Variants in MDGA2 observed in about 807,000 individuals in gnomAD.
MDGA2 encodes the protein MAM domain-containing glycosylphosphatidylinositol anchor protein 2.
MDGA2 carries 40 observed loss-of-function variants against 117.8 expected under a neutral mutation model. The ratio of observed to expected loss-of-function variants is 0.34; its 90% CI spans 0.26 to 0.44. MDGA2 has a LOEUF of 0.44. MDGA2 is among the 20% of genes least tolerant of loss of function. The pLI is 1.00. For missense variants in MDGA2, 1,123 were observed against 1,250.6 expected (o/e 0.90, Z 1.54); for synonymous variants, 452 against 439.0 (o/e 1.03, Z -0.37).
chr14:47,571,403 G>T (rs1299700140), intron 1 of MDGA2, among the ~76,000 whole-genome samples: 1 of 151,966 alleles, frequency 6.6e-6, no homozygotes, highest in Non-Finnish European at 1.5e-5. Flanking sequence ...CCCATTACTG[G>T]GTATATACCC....
chr14:46,876,455 A>G (rs1308780774), intron 12 of MDGA2, among the ~76,000 whole-genome samples: 1 of 151,626 alleles, frequency 6.6e-6, no homozygotes, highest in Non-Finnish European at 1.5e-5. Context: ...ATAAAATACT[A>G]AAAGAGTAAT....
intron 3 of MDGA2, among the ~76,000 whole-genome samples, chr14:47,146,473 C>T (rs1359136888): frequency 1.3e-5 from 2 of 152,078 alleles, no homozygotes; most frequent in Non-Finnish European, 2.9e-5. Context: ...TTTAGGGATA[C>T]CAGCATCATT....
chr14:47,597,322 A>T (rs534448796), intron 1 of MDGA2, among the ~76,000 whole-genome samples: 78 of 152,322 alleles, frequency 5.1e-4, no homozygotes, highest in African/African-American at 1.6e-3. Flanking sequence ...TGAATATTTT[A>T]ATTAAAGAAA....
chr14:47,217,457 A>G (rs1015349382), intron 3 of MDGA2, among the ~76,000 whole-genome samples: 2 of 152,046 alleles, frequency 1.3e-5, no homozygotes, highest in African/African-American at 4.8e-5. Context: ...AAATAAATCA[A>G]CAAACACTTT....
intron 3 of MDGA2, among the ~76,000 whole-genome samples, chr14:47,144,963 T>C (rs1002344754): frequency 2.6e-5 from 4 of 151,784 alleles, no homozygotes; most frequent in African/African-American, 9.7e-5. Flanking sequence ...TGTCTTAATA[T>C]ACTTCTTTTT....
chr14:47,129,442 T>C (rs751836941), intron 5 of MDGA2, among the ~76,000 whole-genome samples: 268 of 152,144 alleles, frequency 1.8e-3, no homozygotes, highest in Non-Finnish European at 3.3e-3. Flanking sequence ...TATGGCTGCA[T>C]AGTATTCCAT....
chr14:47,345,302 T>C (rs930520661), intron 1 of MDGA2, among the ~76,000 whole-genome samples: 1 of 152,072 alleles, frequency 6.6e-6, no homozygotes, highest in Non-Finnish European at 1.5e-5. Context: ...CCTGTCCCCT[T>C]TATAATAAAA....
intron 9 of MDGA2, among the ~76,000 whole-genome samples, chr14:46,923,903 A>AAT (rs1884227312): frequency 6.6e-6 from 1 of 151,986 alleles, no homozygotes; most frequent in South Asian, 2.1e-4. Context: ...AGAATTCATA[A>AAT]ATATATATAT....
At chr14:47,045,368 A>G (rs1215243701) in intron 7 of MDGA2, among the ~76,000 whole-genome samples, 1 of 152,166 alleles carries the variant, frequency 6.6e-6, no homozygotes, top group African/African-American at 2.4e-5. Flanking sequence ...TAAATCTCTT[A>G]AGAGAATGTC....
chr14:47,376,123 T>C (rs12894830), intron 1 of MDGA2, among the ~76,000 whole-genome samples: 109,656 of 151,996 alleles, frequency 0.72, 39,825 homozygotes, highest in Middle Eastern at 0.82. Flanking sequence ...TTTATTTCAA[T>C]GTCTCTGTCC....
intron 1 of MDGA2, among the ~76,000 whole-genome samples, chr14:47,597,765 T>C (rs1468979243): frequency 1.3e-5 from 2 of 151,230 alleles, no homozygotes; most frequent in African/African-American, 2.4e-5. Flanking sequence ...AAAAATATAG[T>C]CAATTATAGT....
At chr14:47,038,308 T>A (rs1888931556) in intron 7 of MDGA2, among the ~76,000 whole-genome samples, 1 of 152,142 alleles carries the variant, frequency 6.6e-6, no homozygotes, top group South Asian at 2.1e-4. Flanking sequence ...GAATGAATAG[T>A]AAAAAGTTAA....
At chr14:47,339,903 G>A (rs1432409577) in intron 1 of MDGA2, among the ~76,000 whole-genome samples, 2 of 152,094 alleles carry the variant, frequency 1.3e-5, no homozygotes, top group African/African-American at 2.4e-5. Context: ...ATAATCATGA[G>A]TTTGTATCCA....
At position 47,673,632 on chromosome 14, in the gene MDGA2, A is replaced by ATGTGTGTGTGTGTGTGTG. The variant is rs10528657; in HGVS notation, c.280+867_280+884dup. Among the ~76,000 whole-genome samples, 189 of 144,070 alleles carry ATGTGTGTGTGTGTGTGTG rather than the reference A, an allele frequency of 1.3e-3. 1 individual carries two copies. The highest frequency in any genetic ancestry group is 3.5e-3 in the African/African-American group (136 of 38,682). The allele number at this position is 144,070 out of a possible 152,430, so 94.5% of individuals were successfully genotyped here. Reference sequence around the variant, plus strand: ...TAGTCCACTATTAACTATGACCTGGATGTGTGTGTGTGTGTGTGTGTGTGT... The same window carrying ATGTGTGTGTGTGTGTGTG: ...TAGTCCACTATTAACTATGACCTGGATGTGTGTGTGTGTGTGTGTGTGTGTGTGTGTGTGTGTGTGTGT... On this transcript the variant is annotated intron_variant, in intron 1 of 16. Transcript: ENST00000399232.
intron 1 of MDGA2, among the ~76,000 whole-genome samples, chr14:47,500,005 T>C (rs1894366640): frequency 6.6e-6 from 1 of 152,112 alleles, no homozygotes; most frequent in Admixed American, 6.6e-5. Flanking sequence ...TAAAAGTGTT[T>C]AAAGCGATTT....
At chr14:47,307,493 T>C (rs34366475) in intron 1 of MDGA2, among the ~76,000 whole-genome samples, 13,540 of 152,080 alleles carry the variant, frequency 0.089, 731 homozygotes, top group Non-Finnish European at 0.11. Flanking sequence ...CCAGCCTGGC[T>C]AACATGGTGA....
intron 8 of MDGA2, among the ~76,000 whole-genome samples, chr14:46,993,401 A>G (rs1417571823): frequency 6.6e-6 from 1 of 152,098 alleles, no homozygotes; most frequent in Non-Finnish European, 1.5e-5. Flanking sequence ...TACACCACTG[A>G]TGATAAATAA....
At chr14:47,635,382 C>T (rs2138232441) in intron 1 of MDGA2, among the ~76,000 whole-genome samples, 1 of 152,072 alleles carries the variant, frequency 6.6e-6, no homozygotes, top group East Asian at 1.9e-4. Context: ...AATATGATAT[C>T]ATCAATTTAT....
At chr14:47,556,200 T>C (rs920132416) in intron 1 of MDGA2, among the ~76,000 whole-genome samples, 2 of 152,146 alleles carry the variant, frequency 1.3e-5, no homozygotes, top group Non-Finnish European at 2.9e-5. Context: ...AAGTGACACA[T>C]AGCACAGCTT....
Sources: allele counts gnomAD v4.1 joint callset (sites outside exome capture counted in the v4.1 genomes callset), GRCh38; gene constraint gnomAD v4.1.1; transcripts MANE v1.5; gene names NCBI Gene and HGNC (gene_info 2026-07-23, HGNC 2026-07-21).